MDFIC: variants seen among roughly 807,000 people sequenced by gnomAD.
MDFIC encodes MyoD family inhibitor domain containing, also known as myoD family inhibitor domain-containing protein.
A neutral mutation model predicts 23.2 loss-of-function variants in MDFIC; 17 were observed. The observed-to-expected ratio is 0.73, with a 90% CI of 0.50 to 1.10. The LOEUF (loss-of-function observed/expected upper bound fraction) is 1.10, where lower values mean the gene tolerates loss of function less well. MDFIC is among the 50% of genes least tolerant of loss of function. The pLI is 0.00. For missense variants in MDFIC, 356 were observed against 316.6 expected (o/e 1.12, Z -0.95); for synonymous variants, 120 against 115.2 (o/e 1.04, Z -0.27).
Position 114,997,400 on chromosome 7 carries a change from A to G in MDFIC, c.493+17619A>G, listed in dbSNP as rs192533886. On this transcript the variant is annotated intron_variant, in intron 4 of 4. Transcript: ENST00000393486. ...TGGTGTTGTAGGGGAGTGTATGTGC[A>G]TGCGTGCATGTGTGTGTGTGTGTGT... Among the ~76,000 whole-genome samples the G allele has an allele frequency of 1.8e-4, 28 of 151,492 alleles. No homozygotes were observed. The East Asian group carries it at 5.1e-3, about 27-fold the overall frequency.
At chr7:115,006,739 A>G (rs776115994) in intron 4 of MDFIC, among the ~76,000 whole-genome samples, 10 of 152,212 alleles carry the variant, frequency 6.6e-5, no homozygotes, top group Non-Finnish European at 1.3e-4. Flanking sequence ...TGTCCTAGCC[A>G]TAAATGGTAT....
At chr7:114,943,490 G>A (rs1351923769) in intron 3 of MDFIC, among the ~76,000 whole-genome samples, 1 of 152,092 alleles carries the variant, frequency 6.6e-6, no homozygotes, top group Non-Finnish European at 1.5e-5. Context: ...GTTAATTTTA[G>A]GACCATTTTG....
At chr7:114,994,941 G>A (rs918023790) in intron 4 of MDFIC, among the ~76,000 whole-genome samples, 1 of 152,216 alleles carries the variant, frequency 6.6e-6, no homozygotes, top group African/African-American at 2.4e-5. Flanking sequence ...CCTGCAGAGT[G>A]TTTTCCAGCT....
Position 114,922,525 on chromosome 7 carries a change from A to G in MDFIC, c.-219A>G. The G allele has an allele frequency of 7.9e-7, 1 of 1,262,400 alleles. No individual in the cohort carries two copies. Among genetic ancestry groups the G allele is most frequent in the Non-Finnish European group, 1.0e-6 (1 of 997,468 alleles). 78.2% of individuals were successfully genotyped at this position (1,262,400 alleles called of 1,614,324 possible). On this transcript the variant is annotated 5_prime_UTR_variant, in exon 1 of 5. Transcript: ENST00000393486. The stretch of plus-strand genomic sequence containing the variant: ...CGCAGGGGCGGCCGCCGCCGTCGTC[A>G]GGCCACCGGGGCGAAAATGCGGCCG...
At chr7:114,977,698 T>C (rs1793343443) in intron 3 of MDFIC, among the ~76,000 whole-genome samples, 1 of 152,056 alleles carries the variant, frequency 6.6e-6, no homozygotes, top group South Asian at 2.1e-4. Flanking sequence ...TGTTTTATGA[T>C]TCATTGTCTA....
intron 4 of MDFIC, among the ~76,000 whole-genome samples, chr7:115,008,758 GA>G (rs1194884759): frequency 1.1e-4 from 17 of 152,334 alleles, no homozygotes; most frequent in African/African-American, 4.1e-4. Context: ...ACAGAGGCTA[GA>G]TGCTCACTTA....
intron 4 of MDFIC, among the ~76,000 whole-genome samples, chr7:114,982,524 T>A (rs1290710360): frequency 6.6e-6 from 1 of 150,750 alleles, no homozygotes; most frequent in Admixed American, 6.6e-5. Context: ...ATCTCATCTC[T>A]ACAAAAAAGA....
At chr7:114,940,336 G>T (rs1792514237) in intron 2 of MDFIC, among the ~76,000 whole-genome samples, 1 of 152,158 alleles carries the variant, frequency 6.6e-6, no homozygotes. Flanking sequence ...TTTAATTGTT[G>T]TGAAATCCCC....
intron 2 of MDFIC, among the ~76,000 whole-genome samples, chr7:114,926,036 G>C (rs999648068): frequency 6.6e-6 from 1 of 152,188 alleles, no homozygotes; most frequent in Non-Finnish European, 1.5e-5. Context: ...TATTTTAAGA[G>C]ATAATGGATC....
chr7:114,927,114 A>G (rs1202143915), intron 2 of MDFIC, among the ~76,000 whole-genome samples: 2 of 152,150 alleles, frequency 1.3e-5, no homozygotes, highest in Non-Finnish European at 2.9e-5. Context: ...AATCACCAGT[A>G]ATGTTGAGAT....
At chr7:114,952,114 A>G (rs756021998) in intron 3 of MDFIC, among the ~76,000 whole-genome samples, 17 of 152,200 alleles carry the variant, frequency 1.1e-4, no homozygotes, top group Non-Finnish European at 2.4e-4. Context: ...TATTTTTATA[A>G]TTGTTTTATC....
intron 3 of MDFIC, among the ~76,000 whole-genome samples, chr7:114,957,622 G>A (rs1792908739): frequency 6.6e-6 from 1 of 152,152 alleles, no homozygotes; most frequent in Non-Finnish European, 1.5e-5. Flanking sequence ...GGGAGATGTG[G>A]ATGTTAAAAT....
chr7:114,953,716 C>T (rs1229769931), intron 3 of MDFIC, among the ~76,000 whole-genome samples: 2 of 152,124 alleles, frequency 1.3e-5, no homozygotes, highest in African/African-American at 2.4e-5. Context: ...CCTGAGCATA[C>T]CCTAATATTC....
intron 4 of MDFIC, among the ~76,000 whole-genome samples, chr7:114,993,672 T>G (rs555653618): frequency 3.3e-5 from 5 of 152,226 alleles, no homozygotes; most frequent in African/African-American, 9.6e-5. Flanking sequence ...AGTGAGTTTC[T>G]TAATCCTGAG....
In MDFIC at chr7:115,015,738, C is replaced by T. The variant is rs764437480; in HGVS notation, c.544C>T (p.Leu182Phe). 1.9e-6 allele frequency: 3 copies of T among 1,614,192 alleles called. No individual in the cohort carries two copies. The highest frequency in any genetic ancestry group is 3.3e-5 in the Admixed American group (2 of 60,026). Residue 182 changes from leucine to phenylalanine, a missense_variant, in exon 5 of 5, where the codon CTT becomes TTT. Coordinates refer to ENST00000393486, the MANE Select transcript of MDFIC (RefSeq NM_001166345.3). ...LACLFCEFLT[L>F]CNIVLGQASC... ...TTGCTTGTTCTGCGAATTCCTGACC[C>T]TTTGCAACATTGTCCTGGGACAAGC...
At chr7:114,970,484 TG>T (rs1245824377) in intron 3 of MDFIC, among the ~76,000 whole-genome samples, 3 of 152,196 alleles carry the variant, frequency 2.0e-5, no homozygotes, top group Non-Finnish European at 4.4e-5. Context: ...TCTGGTCCCT[TG>T]CTTTACCACT....
At chr7:114,947,786 G>T (rs139496817) in intron 3 of MDFIC, among the ~76,000 whole-genome samples, 1 of 152,142 alleles carries the variant, frequency 6.6e-6, no homozygotes, top group Non-Finnish European at 1.5e-5. Flanking sequence ...TAAAAGGGAG[G>T]TGCTAACATT....
At chr7:115,015,224 A>G (rs1791771212) in intron 4 of MDFIC, among the ~76,000 whole-genome samples, 1 of 152,238 alleles carries the variant, frequency 6.6e-6, no homozygotes, top group Admixed American at 6.5e-5. Context: ...AATATATAAA[A>G]CATTTCTTAT....
intron 2 of MDFIC, among the ~76,000 whole-genome samples, chr7:114,931,934 T>G (rs1345893313): frequency 6.6e-6 from 1 of 152,216 alleles, no homozygotes; most frequent in Non-Finnish European, 1.5e-5. Context: ...CTTTTGCCAC[T>G]CCGAGGCATA....
Sources: gnomAD v4.1 joint callset for allele counts (sites outside exome capture counted in the v4.1 genomes callset) on GRCh38, gnomAD v4.1.1 for gene constraint, MANE v1.5 for transcripts, NCBI Gene and HGNC (gene_info 2026-07-23, HGNC 2026-07-21) for gene names.